Variants in RBMS2 observed in about 807,000 individuals in gnomAD.
RBMS2 encodes the protein RNA binding motif single stranded interacting protein 2.
RBMS2 carries 38 observed loss-of-function variants against 58.4 expected under a neutral mutation model. That is an observed-to-expected ratio of 0.65 (90% CI 0.50 to 0.85). RBMS2 has a LOEUF of 0.85. Ranked by LOEUF, RBMS2 falls within the 40% of genes least tolerant of loss-of-function variation. The probability of loss-of-function intolerance (pLI) is 0.00; values close to 1 mark genes in which losing one functional copy is unlikely to be tolerated. For missense variants in RBMS2, 367 were observed against 503.7 expected (o/e 0.73, Z 2.60); for synonymous variants, 151 against 180.7 (o/e 0.84, Z 1.32).
intron 7 of RBMS2, 36 bp from the exon 8 acceptor site, chr12:56,581,797 G>A: frequency 6.2e-7 from 1 of 1,611,106 alleles, no homozygotes; most frequent in South Asian, 1.1e-5. Context: ...CTCACTCAAG[G>A]GCTCACAATG....
At position 56,595,360 on chromosome 12, in the gene RBMS2, T is replaced by C. The variant is rs1295342959; in HGVS notation, c.*6227T>C. On this transcript the variant is annotated 3_prime_UTR_variant, in exon 14 of 14. Transcript: ENST00000262031. ...CCAACATATACCCTTTTTGGGTGGG[T>C]AAACACCTCTTTGCATGTGGACAGA... The C allele has an allele frequency of 6.6e-6, 1 of 152,182 alleles. No homozygotes were observed. The highest frequency in any genetic ancestry group is 1.9e-4 in the East Asian group (1 of 5,202). 9.4% of individuals were successfully genotyped at this position (152,182 alleles called of 1,614,324 possible).
intron 1 of RBMS2, among the ~76,000 whole-genome samples, chr12:56,555,718 T>G (rs936757950): frequency 6.6e-6 from 1 of 151,948 alleles, no homozygotes; most frequent in Admixed American, 6.6e-5. Context: ...GTCTCCTGAG[T>G]AGGTGGGATT....
intron 1 of RBMS2, among the ~76,000 whole-genome samples, chr12:56,526,516 G>A (rs1252265281): frequency 6.6e-6 from 1 of 151,540 alleles, no homozygotes; most frequent in African/African-American, 2.4e-5. Context: ...TTTTTCTCAG[G>A]AAGTAGTGTT....
At chr12:56,526,668 TA>T (rs371154715) in intron 1 of RBMS2, among the ~76,000 whole-genome samples, 57 of 117,442 alleles carry the variant, frequency 4.9e-4, no homozygotes, top group African/African-American at 7.9e-4. Context: ...CTTGGTTCAT[TA>T]AAAAAAAAAA....
chr12:56,576,774 C>T (rs1883185307), intron 5 of RBMS2, among the ~76,000 whole-genome samples: 1 of 152,084 alleles, frequency 6.6e-6, no homozygotes, highest in Admixed American at 6.6e-5. Flanking sequence ...CATGGTGGCT[C>T]ATGCCTGTAT....
Position 56,581,315 on chromosome 12 carries a change from G to A in RBMS2, c.622+52G>A, listed in dbSNP as rs1229605663. 4 of 1,585,306 alleles carry A rather than the reference G, an allele frequency of 2.5e-6. No individual in the cohort carries two copies. The African/African-American group carries it at 5.4e-5, about 21-fold the overall frequency. Reference sequence around the variant, plus strand: ...AGGGCCACAGGTTGTTACTTCCAGTGAAGATTCTGGAGCAGCTTTGCATGA... The same window carrying A: ...AGGGCCACAGGTTGTTACTTCCAGTAAAGATTCTGGAGCAGCTTTGCATGA... On this transcript the variant is annotated intron_variant, in intron 6 of 13. Transcript: ENST00000262031.
intron 1 of RBMS2, among the ~76,000 whole-genome samples, chr12:56,546,493 A>C (rs1452203987): frequency 6.7e-6 from 1 of 150,074 alleles, no homozygotes; most frequent in Non-Finnish European, 1.5e-5. Flanking sequence ...ATATACAAAA[A>C]ATATAATTTT....
Position 56,594,001 on chromosome 12 carries a change from G to A in RBMS2, c.*4868G>A, listed in dbSNP as rs892581175. 2 of 152,326 alleles carry A rather than the reference G, an allele frequency of 1.3e-5. No individual in the cohort carries two copies. The highest frequency in any genetic ancestry group is 2.9e-5 in the Non-Finnish European group (2 of 68,132). The allele number at this position is 152,326 out of a possible 1,614,324, so 9.4% of individuals were successfully genotyped here. ...GAAGACCAGACTTTGCTGCTTCACA[G>A]GCCATGCGCTGGGTTGGGCCACTTC... On this transcript the variant is annotated 3_prime_UTR_variant, in exon 14 of 14. Coordinates refer to ENST00000262031, the MANE Select transcript of RBMS2 (RefSeq NM_002898.4).
chr12:56,583,891 T>C (rs915974304), intron 9 of RBMS2, among the ~76,000 whole-genome samples: 5 of 152,218 alleles, frequency 3.3e-5, no homozygotes, highest in Non-Finnish European at 7.3e-5. Context: ...TTATCTTTGT[T>C]ACAAATTTTT....
rs537510847 is a variant in RBMS2 at position 56,544,754 on chromosome 12, A to ATTTTTTTTTTT, written c.67-17660_67-17650dup. On this transcript the variant is annotated intron_variant, in intron 1 of 13. Transcript: ENST00000262031. ...TGCCACCATGCCCAGCTAATTTTTAATTTTTTTTTTTTTCTTTTTTGTAGA... is the reference window on the plus strand; with the variant it reads ...TGCCACCATGCCCAGCTAATTTTTAATTTTTTTTTTTTTTTTTTTTTTTTCTTTTTTGTAGA... 5.5e-4 allele frequency among the ~76,000 whole-genome samples: 64 copies of ATTTTTTTTTTT among 116,060 alleles called. 1 individual carries two copies. Among genetic ancestry groups the ATTTTTTTTTTT allele is most frequent in the Non-Finnish European group, 7.5e-4 (44 of 58,368 alleles). The allele number at this position is 116,060 out of a possible 152,430, so 76.1% of individuals were successfully genotyped here. A position where few individuals can be genotyped will look rare whatever the true frequency, so the allele number is the denominator to read the frequency against.
intron 1 of RBMS2, among the ~76,000 whole-genome samples, chr12:56,557,286 T>G (rs778762214): frequency 6.6e-6 from 1 of 152,208 alleles, no homozygotes; most frequent in Non-Finnish European, 1.5e-5. Flanking sequence ...GGTCTTTGTC[T>G]CCAAAGTGTT....
At chr12:56,576,776 T>G (rs1474846703) in intron 5 of RBMS2, among the ~76,000 whole-genome samples, 2 of 152,104 alleles carry the variant, frequency 1.3e-5, no homozygotes, top group Non-Finnish European at 2.9e-5. Context: ...TGGTGGCTCA[T>G]GCCTGTATAA....
rs543767668 is a variant in RBMS2, at chr12:56,589,497, G to A, written c.*364G>A. The A allele has an allele frequency of 1.2e-4, 29 of 233,230 alleles. No individual in the cohort carries two copies. Among genetic ancestry groups the A allele is most frequent in the African/African-American group, 4.4e-4 (19 of 42,948 alleles). 14.4% of individuals were successfully genotyped at this position (233,230 alleles called of 1,614,324 possible). A position where few individuals can be genotyped will look rare whatever the true frequency, so the allele number is the denominator to read the frequency against. Reference sequence around the variant, plus strand: ...TTCTCATCTATATGAAAAAGTTTTCGATGTATTGGAATTATTTGGGAATGC... The same window carrying A: ...TTCTCATCTATATGAAAAAGTTTTCAATGTATTGGAATTATTTGGGAATGC... On this transcript the variant is annotated 3_prime_UTR_variant, in exon 14 of 14. Coordinates refer to ENST00000262031, the MANE Select transcript of RBMS2 (RefSeq NM_002898.4).
At chr12:56,586,746 A>T in intron 9 of RBMS2, 103 bp from the exon 10 acceptor site, 1 of 870,356 alleles carries the variant, frequency 1.1e-6, no homozygotes, top group South Asian at 1.5e-5. Context: ...TTCTATTTTG[A>T]GTGGGGCATT....
intron 1 of RBMS2, among the ~76,000 whole-genome samples, chr12:56,543,579 C>G (rs920909752): frequency 6.7e-6 from 1 of 149,318 alleles, no homozygotes; most frequent in African/African-American, 2.5e-5. Flanking sequence ...GTCTGGAACT[C>G]CTGACCTCAA....
At chr12:56,562,816 C>G (rs1880666978) in intron 2 of RBMS2, among the ~76,000 whole-genome samples, 1 of 152,144 alleles carries the variant, frequency 6.6e-6, no homozygotes, top group Non-Finnish European at 1.5e-5. Context: ...TCTCAGCAGC[C>G]TCTTAAAAAA....
At chr12:56,553,316 T>TA (rs766235031) in intron 1 of RBMS2, among the ~76,000 whole-genome samples, 1 of 151,866 alleles carries the variant, frequency 6.6e-6, no homozygotes, top group Non-Finnish European at 1.5e-5. Context: ...CATGCCTGGC[T>TA]AATTTTTGTA....
At chr12:56,541,389 AAAT>A (rs1484775292) in intron 1 of RBMS2, among the ~76,000 whole-genome samples, 2 of 152,168 alleles carry the variant, frequency 1.3e-5, no homozygotes, top group Non-Finnish European at 2.9e-5. Flanking sequence ...ATTATTTTAC[AAAT>A]AATAGGATTT....
rs368873647 is a variant in RBMS2 at position 56,569,013 on chromosome 12, A to G, written c.272A>G (p.Lys91Arg). 7 of 1,613,178 alleles carry G rather than the reference A, an allele frequency of 4.3e-6. No homozygotes were observed. In the African/African-American group the frequency reaches 9.3e-5, roughly 22 times the overall value. Residue 91 changes from lysine to arginine, a missense_variant, in exon 3 of 14, where the codon AAG (lysine) becomes AGG (arginine). Lys to Arg is a conservative substitution (Grantham distance 26, BLOSUM62 2). Transcript: ENST00000262031. Reference protein sequence around the residue: ...KIVSTKAILDKTTNKCKGYGF... With the variant: ...KIVSTKAILDRTTNKCKGYGF... The stretch of plus-strand genomic sequence containing the variant: ...GTTTCCACTAAGGCCATACTGGACA[A>G]GACCACAAACAAATGTAAAGGTGAG...
Sources: gnomAD v4.1 joint callset for allele counts (sites outside exome capture counted in the v4.1 genomes callset) on GRCh38, gnomAD v4.1.1 for gene constraint, MANE v1.5 for transcripts, NCBI Gene and HGNC (gene_info 2026-07-23, HGNC 2026-07-21) for gene names.